KAT7: variants seen among roughly 807,000 people sequenced by gnomAD.
KAT7 encodes the protein histone acetyltransferase KAT7.
KAT7 carries 10 observed loss-of-function variants against 82.1 expected under a neutral mutation model. That is an observed-to-expected ratio of 0.12 (90% confidence interval 0.08 to 0.21). The LOEUF (loss-of-function observed/expected upper bound fraction) is 0.21. Among genes scored for constraint, KAT7 ranks in the 10% least tolerant of loss-of-function variants. The pLI, the probability that KAT7 is intolerant of heterozygous loss-of-function variation, is 1.00. For synonymous variants in KAT7, 250 were observed against 262.5 expected, an observed-to-expected ratio of 0.95 and a Z score of 0.46; for missense variants, 378 against 760.9, an observed-to-expected ratio of 0.50 and a Z score of 5.92.
chr17:49,801,127 G>A (rs907605528), intron 4 of KAT7, among the ~76,000 whole-genome samples: 2 of 152,058 alleles, frequency 1.3e-5, no homozygotes, highest in Non-Finnish European at 2.9e-5. Flanking sequence ...CTCTTAATGG[G>A]GTAGACCATA....
intron 9 of KAT7, 72 bp downstream of exon 9, chr17:49,818,083 G>A: frequency 7.8e-7 from 1 of 1,281,518 alleles, no homozygotes; most frequent in Admixed American, 1.9e-5. Context: ...TTTTGCCATA[G>A]CGATGGCATC....
rs2074389534 is a variant in KAT7 at position 49,828,099 on chromosome 17, A to T, written c.*597A>T. ...TAACCAGAGCCAAATACTTTTGAAG[A>T]GTTTCCCAGGGACTAGTCATGGTAA... On this transcript the variant is annotated 3_prime_UTR_variant, in exon 15 of 15. Transcript: ENST00000259021. 6.6e-6 allele frequency: 1 copy of T among 152,172 alleles called. No homozygotes were observed. Among genetic ancestry groups the T allele is most frequent in the South Asian group, 2.1e-4 (1 of 4,824 alleles). 9.4% of individuals were successfully genotyped at this position (152,172 alleles called of 1,614,324 possible). A position where few individuals can be genotyped will look rare whatever the true frequency, so the allele number is the denominator to read the frequency against.
At chr17:49,820,747 C>CTTTTTTTT (rs776024422) in intron 9 of KAT7, among the ~76,000 whole-genome samples, 18 of 99,064 alleles carry the variant, frequency 1.8e-4, no homozygotes, top group East Asian at 2.9e-4. Context: ...GGCTGCTTGC[C>CTTTTTTTT]TTTTTTTTTT....
rs1478956378 is a variant in KAT7, at chr17:49,829,923, C to T, written c.*2421C>T. The T allele has an allele frequency of 6.6e-6, 1 of 151,894 alleles. No individual in the cohort carries two copies. The highest frequency in any genetic ancestry group is 2.4e-5 in the African/African-American group (1 of 41,334). The allele number at this position is 151,894 out of a possible 1,614,324, so 9.4% of individuals were successfully genotyped here. On this transcript the variant is annotated 3_prime_UTR_variant, in exon 15 of 15. Transcript: ENST00000259021. ...TGAGTCAGAGTCTGGCTCTGTTGCC[C>T]AGGTTGGAGTGCAGTGGCGCAGTTT... is the stretch of plus-strand genomic sequence containing the variant.
At chr17:49,794,302 T>C (rs1422858272) in intron 2 of KAT7, among the ~76,000 whole-genome samples, 1 of 152,208 alleles carries the variant, frequency 6.6e-6, no homozygotes, top group Non-Finnish European at 1.5e-5. Flanking sequence ...TTTGTTGTTG[T>C]TGAGACAGAA....
At chr17:49,823,931 G>A (rs1490162864) in intron 12 of KAT7, among the ~76,000 whole-genome samples, 2 of 152,018 alleles carry the variant, frequency 1.3e-5, no homozygotes, top group African/African-American at 4.8e-5. Context: ...ATTTTAAATG[G>A]CCCCTATGAG....
At position 49,829,984 on chromosome 17, in the gene KAT7, T is replaced by G. The variant is rs2074409839; in HGVS notation, c.*2482T>G. ...CCTCTGCCTCCCGGGTTCAAGTGAT[T>G]CTTCTGTCTCAGCCTTCCGAATAGC... On this transcript the variant is annotated 3_prime_UTR_variant, in exon 15 of 15. Coordinates refer to ENST00000259021, the MANE Select transcript of KAT7 (RefSeq NM_007067.5). 1 of 151,884 alleles carries G rather than the reference T, an allele frequency of 6.6e-6. No individual in the cohort carries two copies. Among genetic ancestry groups the G allele is most frequent in the African/African-American group, 2.4e-5 (1 of 41,316 alleles). The allele number at this position is 151,884 out of a possible 1,614,324, so 9.4% of individuals were successfully genotyped here.
intron 2 of KAT7, among the ~76,000 whole-genome samples, chr17:49,792,729 T>C (rs1297255748): frequency 1.3e-5 from 2 of 152,186 alleles, no homozygotes; most frequent in Non-Finnish European, 2.9e-5. Flanking sequence ...TTGTGCACAA[T>C]TGTAGGCTAA....
In KAT7 at chr17:49,827,701, G is replaced by A. The variant is rs1335193019; in HGVS notation, c.*199G>A. ...CTGAGGAACTGTTGTTTCGGCCTCA[G>A]TGAGGTTGCCTGGATGGGATCTGTA... On this transcript the variant is annotated 3_prime_UTR_variant, in exon 15 of 15. Transcript: ENST00000259021. 2 of 590,602 alleles carry A rather than the reference G, an allele frequency of 3.4e-6. No homozygotes were observed. The highest frequency in any genetic ancestry group is 6.0e-6 in the Non-Finnish European group (2 of 331,156). 36.6% of individuals were successfully genotyped at this position (590,602 alleles called of 1,614,324 possible). A position where few individuals can be genotyped will look rare whatever the true frequency, so the allele number is the denominator to read the frequency against.
At chr17:49,822,723 C>T (rs573659719) in intron 11 of KAT7, among the ~76,000 whole-genome samples, 7 of 152,270 alleles carry the variant, frequency 4.6e-5, no homozygotes, top group African/African-American at 1.2e-4. Flanking sequence ...CAATCCCTCT[C>T]AGTTCTTCTT....
intron 4 of KAT7, among the ~76,000 whole-genome samples, chr17:49,804,045 A>G (rs552747131): frequency 7.2e-4 from 110 of 152,256 alleles, no homozygotes; most frequent in Non-Finnish European, 8.8e-4. Flanking sequence ...AAAGGAAATA[A>G]TGTTCAATTC....
At chr17:49,790,870 T>C (rs928325354) in intron 1 of KAT7, among the ~76,000 whole-genome samples, 3 of 152,228 alleles carry the variant, frequency 2.0e-5, no homozygotes, top group Non-Finnish European at 4.4e-5. Flanking sequence ...ATCTTTGTAT[T>C]GTTTTCAGTA....
At chr17:49,799,291 C>G (rs1363312937) in intron 4 of KAT7, among the ~76,000 whole-genome samples, 3 of 152,170 alleles carry the variant, frequency 2.0e-5, no homozygotes, top group Non-Finnish European at 4.4e-5. Flanking sequence ...CAAATTCACC[C>G]TTTGCATGTG....
chr17:49,811,448 C>T (rs2143927459), intron 6 of KAT7, 28 bp from the exon 7 acceptor site: 1 of 1,171,706 alleles, frequency 8.5e-7, no homozygotes, highest in Admixed American at 2.4e-5. Flanking sequence ...AAGGAGTTTT[C>T]TCTCAGTTTT....
intron 5 of KAT7, among the ~76,000 whole-genome samples, chr17:49,807,859 A>AAGTT (rs2143910627): frequency 6.6e-6 from 1 of 152,304 alleles, no homozygotes; most frequent in East Asian, 1.9e-4. Flanking sequence ...GATAACATTC[A>AAGTT]AGTTGTTGAC....
chr17:49,817,321 C>T (rs149807027), intron 8 of KAT7, among the ~76,000 whole-genome samples: 74 of 152,228 alleles, frequency 4.9e-4, no homozygotes, highest in African/African-American at 1.7e-3. Flanking sequence ...GAGACCTGTG[C>T]TCTGGGCAGT....
chr17:49,800,169 GC>G (rs200161114), intron 4 of KAT7, among the ~76,000 whole-genome samples: 1,539 of 152,046 alleles, frequency 0.01, 26 homozygotes, highest in East Asian at 0.081. Context: ...CTGCCACCAT[GC>G]CCGGCTAATT....
Position 49,833,321 on chromosome 17 carries a change from T to A in KAT7, c.*5819T>A, listed in dbSNP as rs2074439192. The A allele has an allele frequency of 6.6e-6, 1 of 152,238 alleles. No homozygotes were observed. Among genetic ancestry groups the A allele is most frequent in the South Asian group, 2.1e-4 (1 of 4,820 alleles). The allele number at this position is 152,238 out of a possible 1,614,324, so 9.4% of individuals were successfully genotyped here. A position where few individuals can be genotyped will look rare whatever the true frequency, so the allele number is the denominator to read the frequency against. On this transcript the variant is annotated 3_prime_UTR_variant, in exon 15 of 15. Transcript: ENST00000259021. The stretch of plus-strand genomic sequence containing the variant: ...CAGTCTTTGTTCTTAATTGGACATT[T>A]GTTTCTGCAAACAGCTTACCATACA...
Position 49,827,551 on chromosome 17 carries a change from C to A in KAT7, c.*49C>A. On this transcript the variant is annotated 3_prime_UTR_variant, in exon 15 of 15. Transcript: ENST00000259021. ...CGAACCCCAGCAGTAGGAATCCGTA[C>A]CCTAGGGATCTGTCTGTCATTTCTC... The A allele has an allele frequency of 9.7e-7, 1 of 1,032,120 alleles. No homozygotes were observed. Among genetic ancestry groups the A allele is most frequent in the South Asian group, 1.3e-5 (1 of 77,816 alleles). The allele number at this position is 1,032,120 out of a possible 1,614,324, so 63.9% of individuals were successfully genotyped here.
Sources: gnomAD v4.1 joint callset for allele counts (sites outside exome capture counted in the v4.1 genomes callset) on GRCh38, gnomAD v4.1.1 for gene constraint, MANE v1.5 for transcripts, NCBI Gene and HGNC (gene_info 2026-07-23, HGNC 2026-07-21) for gene names.